Variants in CHD4 observed in about 807,000 individuals in gnomAD.
The protein encoded by CHD4 is ATP-dependent chromatin remodeler CHD4.
CHD4 carries 35 observed loss-of-function variants against 235.5 expected under a neutral mutation model. The observed-to-expected ratio is 0.15, with a 90% confidence interval of 0.11 to 0.20. The LOEUF is 0.20. Ranked by LOEUF, CHD4 falls within the 10% of genes least tolerant of loss-of-function variation. The pLI is 1.00. For synonymous variants in CHD4, 900 were observed against 850.2 expected, an observed-to-expected ratio of 1.06 and a Z score of -1.02; for missense variants, 1,329 against 2,432.3, an observed-to-expected ratio of 0.55 and a Z score of 9.54.
intron 25 of CHD4, among the ~76,000 whole-genome samples, chr12:6,586,452 TGG>T (rs1948296672): frequency 6.6e-6 from 1 of 151,646 alleles, no homozygotes; most frequent in Admixed American, 6.6e-5. Context: ...AGGCCTGGTG[TGG>T]TGGCTAACAC....
intron 37 of CHD4, among the ~76,000 whole-genome samples, chr12:6,576,957 GAC>G (rs977670768): frequency 6.7e-6 from 1 of 148,932 alleles, no homozygotes; most frequent in Non-Finnish European, 1.5e-5. Context: ...TTTTTTTTGA[GAC>G]AGAGTCTCAC....
chr12:6,583,298 G>A lies in CHD4; in HGVS notation c.3960C>T (p.His1320=), dbSNP rs1481035115. The part of the protein sequence containing the change: ...DPDYWEKLLR[H]HYEQQQEDLA... Reference sequence around the variant, plus strand: ...GATCTTCTTGCTGCTGCTCATAATGGTGCCGCAGCAATTTCTCCCAGTAGT... The same window carrying A: ...GATCTTCTTGCTGCTGCTCATAATGATGCCGCAGCAATTTCTCCCAGTAGT... Residue 1320 remains histidine, a synonymous_variant, in exon 26 of 40, where the codon CAC becomes CAT. Transcript: ENST00000544040. 1 of 1,614,068 alleles carries A rather than the reference G, an allele frequency of 6.2e-7. No homozygotes were observed.
chr12:6,601,445 T>G lies in CHD4; in HGVS notation c.643A>C (p.Asn215His). ...LGAKWREFSTNNPFKGSSGAS... is the reference protein window; with the variant it reads ...LGAKWREFSTHNPFKGSSGAS... ...CCAGAACTGCCTTTGAAGGGGTTATTGGTACTGAACTCCCGCCATTTTGCA... is the reference window on the plus strand; with the variant it reads ...CCAGAACTGCCTTTGAAGGGGTTATGGGTACTGAACTCCCGCCATTTTGCA... Residue 215 changes from asparagine (N) to histidine (H), a missense_variant, in exon 6 of 40, where the codon AAT (asparagine) becomes CAT (histidine). Physicochemically the swap from Asn to His is moderately conservative, Grantham distance 68. Transcript: ENST00000544040. 1 of 1,614,214 alleles carries G rather than the reference T, an allele frequency of 6.2e-7. No individual in the cohort carries two copies.
intron 12 of CHD4, among the ~76,000 whole-genome samples, 158 bp from the exon 13 acceptor site, chr12:6,596,295 A>C (rs1208812459): frequency 6.6e-6 from 1 of 152,174 alleles, no homozygotes; most frequent in African/African-American, 2.4e-5. Context: ...CTGACCAAAA[A>C]TTATCTCTAA....
chr12:6,570,679 C>T lies in CHD4; in HGVS notation c.5736G>A (p.Gln1912=). 1 of 1,614,182 alleles carries T rather than the reference C, an allele frequency of 6.2e-7. No individual in the cohort carries two copies. The highest frequency in any genetic ancestry group is 8.5e-7 in the Non-Finnish European group (1 of 1,180,036). ...GAGGTGGTATCAGTCTGCATCTTCACTGCTGCTGGGCTACCTAGAGAAGGA... is the reference window on the plus strand; with the variant it reads ...GAGGTGGTATCAGTCTGCATCTTCATTGCTGCTGGGCTACCTAGAGAAGGA... ...EPTPQQVAQQ[Q] is the part of the protein sequence containing the mutation. Residue 1912 remains glutamine (Q), a synonymous_variant, in exon 40 of 40, where the codon CAG becomes CAA. Transcript: ENST00000544040.
intron 2 of CHD4, among the ~76,000 whole-genome samples, chr12:6,603,805 G>C (rs1312598426): frequency 1.3e-5 from 2 of 152,138 alleles, no homozygotes; most frequent in Admixed American, 1.3e-4. Flanking sequence ...CAGTGGACTT[G>C]TGGTCAGCGC....
chr12:6,587,602 C>T (rs759824473), intron 24 of CHD4, 43 bp from the exon 25 acceptor site: 5 of 1,610,328 alleles, frequency 3.1e-6, no homozygotes, highest in Non-Finnish European at 4.2e-6. Flanking sequence ...TCAGTTTCAG[C>T]AGCTGCAGTG....
chr12:6,582,784 G>A, intron 28 of CHD4, 36 bp from the exon 29 acceptor site: 1 of 1,614,054 alleles, frequency 6.2e-7, no homozygotes, highest in Non-Finnish European at 8.5e-7. Context: ...GAGGCAGCAG[G>A]TCGCATTCCA....
At chr12:6,606,688 G>A (rs1948706952) in intron 1 of CHD4, 1 of 269,756 alleles carries the variant, frequency 3.7e-6, no homozygotes, top group African/African-American at 2.2e-5. Flanking sequence ...CAAGCGCGGG[G>A]AGGGGAGACG....
At chr12:6,584,585 T>C (rs1948249173) in intron 25 of CHD4, 1 of 152,174 alleles carries the variant, frequency 6.6e-6, no homozygotes, top group South Asian at 2.1e-4. Context: ...AATTTTACCA[T>C]GTTGCCCAAG....
At chr12:6,576,724 T>C (rs1291134290) in intron 37 of CHD4, among the ~76,000 whole-genome samples, 2 of 152,086 alleles carry the variant, frequency 1.3e-5, no homozygotes, top group African/African-American at 4.8e-5. Context: ...TGGAGAACTT[T>C]CTTATGCCAA....
rs1228233751 is a variant in CHD4, at chr12:6,578,698, A to C, written c.4981+148T>G. On this transcript the variant is annotated intron_variant, in intron 34 of 39. Transcript: ENST00000544040. ...ACCCAGAAAATGGTGCCATTGGCCC[A>C]CTGACAACTAAATGTGGGGACAGGT... is the stretch of plus-strand genomic sequence containing the variant. 2.2e-6 allele frequency: 3 copies of C among 1,377,434 alleles called. No individual in the cohort carries two copies. In the South Asian group the frequency reaches 3.6e-5, roughly 17 times the overall value. 85.3% of individuals were successfully genotyped at this position (1,377,434 alleles called of 1,614,324 possible).
intron 10 of CHD4, 46 bp from the exon 11 acceptor site, chr12:6,598,471 G>C: frequency 6.8e-7 from 1 of 1,468,792 alleles, no homozygotes. Context: ...AACCATGGGA[G>C]GAGAAGGGAC....
chr12:6,603,566 CG>C (rs148670709), intron 2 of CHD4, among the ~76,000 whole-genome samples: 8 of 57,820 alleles, frequency 1.4e-4, no homozygotes, highest in Admixed American at 3.7e-4. Flanking sequence ...GGTGGGGTGG[CG>C]GGGGGGGAGA....
intron 32 of CHD4, 43 bp downstream of exon 32, chr12:6,581,248 C>G: frequency 6.2e-7 from 1 of 1,613,420 alleles, no homozygotes; most frequent in Non-Finnish European, 8.5e-7. Context: ...ACTGGACTTA[C>G]ACATTTGTCT....
chr12:6,572,707 G>A lies in CHD4; in HGVS notation c.5557+367C>T, dbSNP rs545370702. ...TGAGTAGCTAGGATTATAAGCGTGCGTTGCGCCACATGCCCAGCTAATTTT... is the reference window on the plus strand; with the variant it reads ...TGAGTAGCTAGGATTATAAGCGTGCATTGCGCCACATGCCCAGCTAATTTT... On this transcript the variant is annotated intron_variant, in intron 38 of 39. Transcript: ENST00000544040. Among the ~76,000 whole-genome samples the A allele has an allele frequency of 8.9e-4, 135 of 152,200 alleles. 2 individuals carry two copies. The highest frequency in any genetic ancestry group is 1.6e-3 in the Non-Finnish European group (111 of 68,008).
intron 39 of CHD4, 75 bp downstream of exon 39, chr12:6,570,793 AG>A: frequency 6.2e-7 from 1 of 1,610,336 alleles, no homozygotes; most frequent in Non-Finnish European, 8.5e-7. Flanking sequence ...ATGTAAAGCT[AG>A]GGACATACAG....
intron 2 of CHD4, among the ~76,000 whole-genome samples, 155 bp downstream of exon 2, chr12:6,606,119 G>A (rs559046786): frequency 6.6e-6 from 1 of 152,306 alleles, no homozygotes; most frequent in African/African-American, 2.4e-5. Context: ...CCTCACACCA[G>A]AGCTCCGCAG....
chr12:6,576,738 GC>G (rs1948078261), intron 37 of CHD4, among the ~76,000 whole-genome samples: 2 of 152,070 alleles, frequency 1.3e-5, no homozygotes, highest in African/African-American at 4.8e-5. Context: ...ATGCCAATCA[GC>G]AATCTCTCTC....
Sources: gnomAD v4.1 joint callset for allele counts (sites outside exome capture counted in the v4.1 genomes callset) on GRCh38, gnomAD v4.1.1 for gene constraint, MANE v1.5 for transcripts, NCBI Gene and HGNC (gene_info 2026-07-23, HGNC 2026-07-21) for gene names.